The following NFX1 variants were observed in gnomAD, a reference collection of about 807,000 sequenced individuals.
The protein encoded by NFX1 is nuclear transcription factor, X-box binding 1.
In NFX1, 69 loss-of-function variants were observed where a neutral mutation model predicts 137.2. The ratio of observed to expected loss-of-function variants is 0.50; its 90% CI spans 0.41 to 0.61. The LOEUF is 0.61. NFX1 is among the 20% of genes least tolerant of loss of function. NFX1 has a pLI of 0.00. For missense variants in NFX1, 1,167 were observed against 1,391.0 expected (o/e 0.84, Z 2.56); for synonymous variants, 495 against 474.1 (o/e 1.04, Z -0.57).
At chr9:33,333,415 A>C (rs1196823801) in intron 11 of NFX1, among the ~76,000 whole-genome samples, 1 of 151,968 alleles carries the variant, frequency 6.6e-6, no homozygotes, top group South Asian at 2.1e-4. Flanking sequence ...GATTTTGAAG[A>C]CTTCAATTTG....
chr9:33,300,975 A>G (rs967385069), intron 2 of NFX1, among the ~76,000 whole-genome samples: 1 of 152,232 alleles, frequency 6.6e-6, no homozygotes, highest in East Asian at 1.9e-4. Context: ...TCCTCAGGCT[A>G]TGTTACAAGG....
chr9:33,295,524 A>G (rs1363875049), intron 2 of NFX1, 97 bp downstream of exon 2: 7 of 1,308,590 alleles, frequency 5.3e-6, no homozygotes, highest in African/African-American at 1.5e-5. Flanking sequence ...GAAAGTATGG[A>G]AAGTTACACT....
At chr9:33,315,071 A>G (rs537711751) in intron 7 of NFX1, among the ~76,000 whole-genome samples, 1 of 152,168 alleles carries the variant, frequency 6.6e-6, no homozygotes, top group East Asian at 1.9e-4. Flanking sequence ...GAAGAATCTA[A>G]TTTTATAGTT....
chr9:33,369,920 G>A lies in NFX1; in HGVS notation c.3305G>A (p.Ser1102Asn). 1 of 1,613,456 alleles carries A rather than the reference G, an allele frequency of 6.2e-7. No individual in the cohort carries two copies. Among genetic ancestry groups the A allele is most frequent in the South Asian group, 1.1e-5 (1 of 91,024 alleles). Residue 1102 changes from serine (S) to asparagine (N), a missense_variant, in exon 24 of 24, where the codon AGT (serine) becomes AAT (asparagine). Transcript: ENST00000379540. ...TTGTTTTTCAGGAATCCTGGGAGCA[G>A]TAATTTACAGAAAATAACCAAGGAG... is the stretch of plus-strand genomic sequence containing the variant. The part of the protein sequence containing the change: ...RHQSDKNPGS[S>N]NLQKITKEPI...
At position 33,301,340 on chromosome 9, in the gene NFX1, G is replaced by T. The variant is rs936169136; in HGVS notation, c.1111G>T (p.Val371Leu). ...TGAATTGGTTCGTGTCACGGCCCCA[G>T]TGTGGAGTTGTCAGAGCTGTTACCA... ...CCELVRVTAP[V>L]WSCQSCYHVF... The change falls in exon 3 of 24, where the codon GTG becomes TTG. Residue 371 changes from valine (V) to leucine (L), a missense_variant. Physicochemically the swap from Val to Leu is conservative, Grantham distance 32 (BLOSUM62 1). Coordinates refer to ENST00000379540, the MANE Select transcript of NFX1 (RefSeq NM_002504.6). 4 of 1,614,210 alleles carry T rather than the reference G, an allele frequency of 2.5e-6. No homozygotes were observed. Among genetic ancestry groups the T allele is most frequent in the Non-Finnish European group, 3.4e-6 (4 of 1,180,038 alleles).
chr9:33,311,626 C>G (rs551983244), intron 6 of NFX1, among the ~76,000 whole-genome samples: 1 of 151,716 alleles, frequency 6.6e-6, no homozygotes, highest in African/African-American at 2.4e-5. Flanking sequence ...GATCTCGGCT[C>G]ACTGCAACCT....
At chr9:33,349,289 G>A (rs1401852025) in intron 15 of NFX1, among the ~76,000 whole-genome samples, 1 of 152,132 alleles carries the variant, frequency 6.6e-6, no homozygotes, top group Admixed American at 6.5e-5. Flanking sequence ...GCAGTAATGC[G>A]GGAAATACAG....
chr9:33,366,991 A>G (rs1824188702), intron 22 of NFX1, among the ~76,000 whole-genome samples: 1 of 152,258 alleles, frequency 6.6e-6, no homozygotes, highest in Non-Finnish European at 1.5e-5. Flanking sequence ...CTCAAAATGC[A>G]CAAGTGTCAC....
At chr9:33,317,419 C>CAAAAAAAAAA (rs761378780) in intron 7 of NFX1, among the ~76,000 whole-genome samples, 8 of 54,276 alleles carry the variant, frequency 1.5e-4, no homozygotes, top group African/African-American at 3.3e-4. Flanking sequence ...GCCCTGTCTC[C>CAAAAAAAAAA]AAAAAAAAAA....
intron 12 of NFX1, among the ~76,000 whole-genome samples, chr9:33,340,642 A>G (rs1280679435): frequency 1.3e-5 from 2 of 152,108 alleles, no homozygotes; most frequent in African/African-American, 4.8e-5. Context: ...CAGGCTGCAA[A>G]TTTTCCAAAC....
chr9:33,333,863 G>A (rs1236289769), intron 11 of NFX1, among the ~76,000 whole-genome samples: 2 of 152,170 alleles, frequency 1.3e-5, no homozygotes, highest in Admixed American at 1.3e-4. Flanking sequence ...CATAATTTGG[G>A]TCCAAGCCTG....
intron 9 of NFX1, among the ~76,000 whole-genome samples, chr9:33,324,066 C>T (rs763882410): frequency 6.6e-6 from 1 of 152,004 alleles, no homozygotes; most frequent in African/African-American, 2.4e-5. Context: ...CGTAGTGAGA[C>T]CCTATCTCTA....
Position 33,355,889 on chromosome 9 carries a change from C to T in NFX1, c.2873+997C>T, listed in dbSNP as rs1587873942. Among the ~76,000 whole-genome samples the T allele has an allele frequency of 3.3e-5, 5 of 152,240 alleles. No individual in the cohort carries two copies. The South Asian group carries it at 1.0e-3, about 32-fold the overall frequency. ...CGAACTCCTGACCTCAGGTGATCCA[C>T]CTGCCTCGACCTCCCAAAGTGTTGG... On this transcript the variant is annotated intron_variant, in intron 19 of 23. Coordinates refer to ENST00000379540, the MANE Select transcript of NFX1 (RefSeq NM_002504.6).
At chr9:33,349,328 A>G (rs1823550341) in intron 15 of NFX1, among the ~76,000 whole-genome samples, 1 of 152,204 alleles carries the variant, frequency 6.6e-6, no homozygotes, top group Admixed American at 6.5e-5. Context: ...AGGGCTCTCC[A>G]GGTGTTCTGG....
At chr9:33,302,171 C>T (rs150864129) in intron 3 of NFX1, among the ~76,000 whole-genome samples, 3 of 151,992 alleles carry the variant, frequency 2.0e-5, no homozygotes, top group East Asian at 1.9e-4. Flanking sequence ...TTGATACAAG[C>T]GTACAATGTG....
chr9:33,317,973 CAAAAAAAAAAAAA>C (rs5897542), intron 7 of NFX1, among the ~76,000 whole-genome samples: 6 of 44,390 alleles, frequency 1.4e-4, no homozygotes, highest in South Asian at 3.4e-3. Context: ...GACTCTGTCT[CAAAAAAAAAAAAA>C]AAAAAAAAAA....
At chr9:33,293,240 G>A (rs1821225316) in intron 1 of NFX1, among the ~76,000 whole-genome samples, 1 of 152,214 alleles carries the variant, frequency 6.6e-6, no homozygotes. Context: ...CATCAGGAAT[G>A]TAAGGATTAA....
chr9:33,331,455 G>C (rs565366193), intron 10 of NFX1, among the ~76,000 whole-genome samples: 17 of 152,216 alleles, frequency 1.1e-4, no homozygotes, highest in African/African-American at 4.1e-4. Context: ...TGCCTTTCCT[G>C]ACAATTGTAG....
At chr9:33,351,507 T>C in intron 15 of NFX1, 53 bp from the exon 16 acceptor site, 2 of 1,544,106 alleles carry the variant, frequency 1.3e-6, no homozygotes, top group Non-Finnish European at 1.8e-6. Flanking sequence ...AAGTTAAAAC[T>C]CACCCCAAAT....
Sources: allele counts gnomAD v4.1 joint callset (sites outside exome capture counted in the v4.1 genomes callset), GRCh38; gene constraint gnomAD v4.1.1; transcripts MANE v1.5; gene names NCBI Gene and HGNC (gene_info 2026-07-23, HGNC 2026-07-21).